Variants in C8orf74 observed in about 807,000 individuals in gnomAD.
The protein encoded by C8orf74 is chromosome 8 open reading frame 74.
In C8orf74, 29 loss-of-function variants were observed where a neutral mutation model predicts 22.2. The observed-to-expected ratio is 1.31, with a 90% CI of 0.97 to 1.78. The LOEUF (loss-of-function observed/expected upper bound fraction) is 1.78, where lower values mean the gene tolerates loss of function less well. Among genes scored for constraint, C8orf74 ranks in the 40% most tolerant of loss-of-function variants. The pLI, the probability that C8orf74 is intolerant of heterozygous loss-of-function variation, is 0.00. For synonymous variants in C8orf74, 255 were observed against 163.1 expected (o/e 1.56, Z -4.30); for missense variants, 515 against 369.9 (o/e 1.39, Z -3.22).
intron 2 of C8orf74, among the ~76,000 whole-genome samples, chr8:10,678,178 C>T (rs934345561): frequency 5.3e-5 from 8 of 152,182 alleles, no homozygotes; most frequent in African/African-American, 1.4e-4. Flanking sequence ...AGGGAAAATT[C>T]AGGTCTTACC....
At chr8:10,690,166 C>A (rs1380971578) in intron 2 of C8orf74, among the ~76,000 whole-genome samples, 1 of 152,172 alleles carries the variant, frequency 6.6e-6, no homozygotes, top group South Asian at 2.1e-4. Flanking sequence ...TGAATACCAC[C>A]TGAGGGGCCC....
intron 2 of C8orf74, among the ~76,000 whole-genome samples, chr8:10,679,195 T>C (rs913939011): frequency 1.3e-5 from 2 of 152,136 alleles, no homozygotes; most frequent in African/African-American, 2.4e-5. Flanking sequence ...GTTGAGTTCA[T>C]TTATGGCCCT....
intron 2 of C8orf74, chr8:10,691,160 T>C (rs574243223): frequency 1.1e-4 from 38 of 349,598 alleles, no homozygotes; most frequent in Admixed American, 9.3e-4. Flanking sequence ...GGGCCGAAAG[T>C]TAGAATTCAG....
chr8:10,685,487 T>C (rs1191917170), intron 2 of C8orf74, among the ~76,000 whole-genome samples: 2 of 152,234 alleles, frequency 1.3e-5, no homozygotes, highest in Non-Finnish European at 2.9e-5. Context: ...TTCTGTCCCA[T>C]GCTACGACAC....
At chr8:10,672,813 A>T in intron 1 of C8orf74, 100 bp downstream of exon 1, 1 of 1,051,410 alleles carries the variant, frequency 9.5e-7, no homozygotes. Context: ...ACCCCGGGGC[A>T]GCCACCCCGG....
At chr8:10,693,208 G>C (rs1217999300) in intron 2 of C8orf74, among the ~76,000 whole-genome samples, 1 of 152,184 alleles carries the variant, frequency 6.6e-6, no homozygotes, top group East Asian at 1.9e-4. Context: ...GGCCATGCCT[G>C]CTTCAACCAC....
chr8:10,696,659 G>A (rs1011410394), intron 2 of C8orf74, among the ~76,000 whole-genome samples: 2 of 151,874 alleles, frequency 1.3e-5, no homozygotes, highest in Non-Finnish European at 2.9e-5. Context: ...TGTTGGCCAA[G>A]CTGGTCTCGA....
chr8:10,686,564 C>G (rs1307884873), intron 2 of C8orf74: 1 of 153,014 alleles, frequency 6.5e-6, no homozygotes, highest in Non-Finnish European at 1.5e-5. Flanking sequence ...AGAATCTAGA[C>G]TTGGGTCTAC....
intron 2 of C8orf74, among the ~76,000 whole-genome samples, chr8:10,696,382 G>C (rs965952517): frequency 6.6e-6 from 1 of 151,358 alleles, no homozygotes; most frequent in African/African-American, 2.4e-5. Context: ...CAGTGGCCTG[G>C]GTATCAATCA....
At chr8:10,680,381 G>C (rs1397846448) in intron 2 of C8orf74, among the ~76,000 whole-genome samples, 1 of 152,226 alleles carries the variant, frequency 6.6e-6, no homozygotes, top group Admixed American at 6.5e-5. Context: ...AGCACTCACA[G>C]CAGGATGACC....
At chr8:10,697,228 CAGG>C (rs1439553960) in intron 2 of C8orf74, among the ~76,000 whole-genome samples, 1 of 152,048 alleles carries the variant, frequency 6.6e-6, no homozygotes, top group African/African-American at 2.4e-5. Context: ...CGCTTGAGCT[CAGG>C]AGTTCAGCCT....
rs756638983 is a variant in C8orf74 at position 10,700,507 on chromosome 8, C to T, written c.*36C>T. On this transcript the variant is annotated 3_prime_UTR_variant, in exon 4 of 4. Coordinates refer to ENST00000304519, the MANE Select transcript of C8orf74 (RefSeq NM_001040032.2). ...CTGCCACACGAGACTGACTGGGGAC[C>T]AGCCACCCATAACCATGAGCCTTGC... The T allele has an allele frequency of 7.3e-7, 1 of 1,367,878 alleles. No individual in the cohort carries two copies. The highest frequency in any genetic ancestry group is 1.0e-6 in the Non-Finnish European group (1 of 1,003,480). 84.7% of individuals were successfully genotyped at this position (1,367,878 alleles called of 1,614,324 possible).
At chr8:10,695,092 G>T (rs552331782) in intron 2 of C8orf74, among the ~76,000 whole-genome samples, 9 of 152,176 alleles carry the variant, frequency 5.9e-5, no homozygotes, top group African/African-American at 2.2e-4. Context: ...AGGCTGGATG[G>T]GGGAGGGGAA....
intron 2 of C8orf74, among the ~76,000 whole-genome samples, chr8:10,696,242 G>C (rs1351302871): frequency 6.6e-6 from 1 of 151,946 alleles, no homozygotes; most frequent in Non-Finnish European, 1.5e-5. Context: ...GTGAAGGGGA[G>C]AGGAGGAGAG....
At chr8:10,699,284 G>A (rs1799600488) in intron 3 of C8orf74, among the ~76,000 whole-genome samples, 1 of 152,240 alleles carries the variant, frequency 6.6e-6, no homozygotes, top group African/African-American at 2.4e-5. Context: ...CCCCTACACT[G>A]TGTGCCCCAG....
intron 2 of C8orf74, chr8:10,689,831 C>A (rs1001479239): frequency 3.3e-5 from 5 of 152,122 alleles, no homozygotes; most frequent in Non-Finnish European, 5.9e-5. Context: ...ATCACCAAGG[C>A]CACTCTTCTC....
At chr8:10,679,928 G>C (rs1427433875) in intron 2 of C8orf74, 1 of 152,822 alleles carries the variant, frequency 6.5e-6, no homozygotes, top group Non-Finnish European at 1.5e-5. Context: ...CAGCTGGAGA[G>C]TGAGGAAGGC....
At chr8:10,687,039 G>A (rs1372286353) in intron 2 of C8orf74, 2 of 455,030 alleles carry the variant, frequency 4.4e-6, no homozygotes, top group South Asian at 1.6e-5. Flanking sequence ...AGTCTCCAGG[G>A]TTATAGTCCT....
At chr8:10,693,912 G>T (rs543998951) in intron 2 of C8orf74, among the ~76,000 whole-genome samples, 3 of 152,172 alleles carry the variant, frequency 2.0e-5, no homozygotes, top group Non-Finnish European at 4.4e-5. Flanking sequence ...ACCTCTCCAT[G>T]CAGCTCTTGC....
Sources: allele counts gnomAD v4.1 joint callset (sites outside exome capture counted in the v4.1 genomes callset), GRCh38; gene constraint gnomAD v4.1.1; transcripts MANE v1.5; gene names NCBI Gene and HGNC (gene_info 2026-07-23, HGNC 2026-07-21).